The following SMC5 variants were observed in gnomAD, a reference collection of about 807,000 sequenced individuals.
SMC5 encodes structural maintenance of chromosomes protein 5.
SMC5 carries 88 observed loss-of-function variants against 148.3 expected under a neutral mutation model. The observed-to-expected ratio is 0.59, with a 90% CI of 0.50 to 0.71. The LOEUF is 0.71. Ranked by LOEUF, SMC5 falls within the 30% of genes least tolerant of loss-of-function variation. The pLI is 0.00. For missense variants in SMC5, 1,142 were observed against 1,298.9 expected (o/e 0.88, Z 1.86); for synonymous variants, 421 against 432.8 (o/e 0.97, Z 0.34).
rs903020823 is a variant in SMC5 at position 70,313,808 on chromosome 9, T to C, written c.1579-934T>C. Among the ~76,000 whole-genome samples the C allele has an allele frequency of 5.9e-5, 9 of 152,256 alleles. No individual in the cohort carries two copies. In the South Asian group the frequency reaches 1.9e-3, roughly 32 times the overall value. Reference sequence around the variant, plus strand: ...AGCCACAGTGCCCAGCCAGTAATTTTTTTATTATATTCTGGAATCGTGGGT... The same window carrying C: ...AGCCACAGTGCCCAGCCAGTAATTTCTTTATTATATTCTGGAATCGTGGGT... On this transcript the variant is annotated intron_variant, in intron 11 of 24. Transcript: ENST00000361138.
chr9:70,290,415 C>T (rs1167215152), intron 8 of SMC5, among the ~76,000 whole-genome samples: 1 of 152,078 alleles, frequency 6.6e-6, no homozygotes, highest in Non-Finnish European at 1.5e-5. Context: ...TCCTGTCACT[C>T]AGAAAATTCC....
At chr9:70,279,766 G>A (rs2034698157) in intron 5 of SMC5, among the ~76,000 whole-genome samples, 3 of 144,016 alleles carry the variant, frequency 2.1e-5, no homozygotes, top group Middle Eastern at 4.0e-3. Flanking sequence ...GTAGTGAGCC[G>A]AGAACACGCC....
chr9:70,317,404 C>T (rs1163855014), intron 13 of SMC5, among the ~76,000 whole-genome samples: 1 of 152,164 alleles, frequency 6.6e-6, no homozygotes, highest in African/African-American at 2.4e-5. Flanking sequence ...ATGGGAAGTG[C>T]TCTTCCTTCA....
chr9:70,348,614 C>T (rs2036727876), intron 22 of SMC5, among the ~76,000 whole-genome samples: 1 of 151,658 alleles, frequency 6.6e-6, no homozygotes, highest in Admixed American at 6.6e-5. Flanking sequence ...TGACTTGAGC[C>T]TGGAAGGTGG....
At chr9:70,314,240 C>T (rs563351611) in intron 11 of SMC5, among the ~76,000 whole-genome samples, 6 of 152,318 alleles carry the variant, frequency 3.9e-5, no homozygotes, top group Admixed American at 2.6e-4. Context: ...TCTTTCCCCA[C>T]TCCTGATGCT....
chr9:70,344,835 A>C (rs982470042), intron 18 of SMC5, among the ~76,000 whole-genome samples: 4 of 152,142 alleles, frequency 2.6e-5, no homozygotes, highest in Non-Finnish European at 5.9e-5. Flanking sequence ...TATTCAGAAT[A>C]ATGTCAAAAT....
chr9:70,303,659 A>G (rs957390317), intron 10 of SMC5, among the ~76,000 whole-genome samples: 2 of 152,210 alleles, frequency 1.3e-5, no homozygotes, highest in African/African-American at 4.8e-5. Context: ...ATTTAGTTCT[A>G]TGAGGTATAA....
At chr9:70,341,869 C>T (rs1031507445) in intron 17 of SMC5, among the ~76,000 whole-genome samples, 5 of 151,594 alleles carry the variant, frequency 3.3e-5, no homozygotes, top group Non-Finnish European at 7.4e-5. Flanking sequence ...TACCATTTGA[C>T]CCAGCCATCC....
At chr9:70,280,712 T>A in intron 5 of SMC5, 47 bp from the exon 6 acceptor site, 1 of 1,546,550 alleles carries the variant, frequency 6.5e-7, no homozygotes, top group Non-Finnish European at 8.7e-7. Flanking sequence ...TGTGACCTGT[T>A]GTCATTTTTT....
intron 3 of SMC5, among the ~76,000 whole-genome samples, chr9:70,268,398 A>G (rs553689156): frequency 2.6e-5 from 4 of 152,204 alleles, no homozygotes; most frequent in African/African-American, 9.6e-5. Flanking sequence ...GTGAGCCGAG[A>G]TGGCGCCACT....
intron 11 of SMC5, among the ~76,000 whole-genome samples, chr9:70,306,313 T>A (rs934391260): frequency 6.6e-6 from 1 of 152,204 alleles, no homozygotes; most frequent in Non-Finnish European, 1.5e-5. Flanking sequence ...AGTGGTCCTC[T>A]GTTTCTCTGG....
At chr9:70,341,396 A>T (rs1191252733) in intron 17 of SMC5, among the ~76,000 whole-genome samples, 1 of 152,164 alleles carries the variant, frequency 6.6e-6, no homozygotes, top group Non-Finnish European at 1.5e-5. Flanking sequence ...AGAAATTAGG[A>T]GTATTTAGTT....
chr9:70,300,096 G>A lies in SMC5; in HGVS notation c.1360G>A (p.Asp454Asn). ...RFDNLMNQKE[D>N]KLRQRFRDTY... ...TGACAATCTTATGAATCAGAAGGAA[G>A]ATAAGCTAAGACAGAGATTCCGTGA... is the stretch of plus-strand genomic sequence containing the variant. Residue 454 changes from aspartate (D) to asparagine (N), a missense_variant, in exon 10 of 25, where the codon GAT becomes AAT. Physicochemically the swap from Asp to Asn is conservative, Grantham distance 23. Coordinates refer to ENST00000361138, the MANE Select transcript of SMC5 (RefSeq NM_015110.4). The A allele has an allele frequency of 6.3e-7, 1 of 1,599,920 alleles. No homozygotes were observed. Among genetic ancestry groups the A allele is most frequent in the Non-Finnish European group, 8.5e-7 (1 of 1,176,314 alleles).
In SMC5 at chr9:70,303,447, C is replaced by G. The variant is rs148239708; in HGVS notation, c.1465-1800C>G. ...AATAAAGTAATTTAGTACCTCCCCC[C>G]TCAAATTGCGAAACAATAGGCTGAT... On this transcript the variant is annotated intron_variant, in intron 10 of 24. Transcript: ENST00000361138. Among the ~76,000 whole-genome samples the G allele has an allele frequency of 4.0e-4, 61 of 152,214 alleles. 1 individual carries two copies. Among genetic ancestry groups the G allele is most frequent in the African/African-American group, 1.4e-3 (58 of 41,536 alleles).
chr9:70,298,053 G>C lies in SMC5; in HGVS notation c.1141G>C (p.Glu381Gln). The C allele has an allele frequency of 6.2e-7, 1 of 1,613,990 alleles. No individual in the cohort carries two copies. Among genetic ancestry groups the C allele is most frequent in the East Asian group, 2.2e-5 (1 of 44,862 alleles). Residue 381 changes from glutamate to glutamine, a missense_variant, in exon 9 of 25, where the codon GAG becomes CAG. By Grantham distance (29) the Glu-to-Gln change is conservative (BLOSUM62 2). Around this residue, in one of 5 missense-constraint regions of SMC5, gnomAD observed 743 missense variants for 835.7 expected, o/e 0.89. Coordinates refer to ENST00000361138, the MANE Select transcript of SMC5 (RefSeq NM_015110.4). The part of the protein sequence containing the change: ...RRIGNTRKMI[E>Q]DLQNELKTTE... ...AATAGGTAATACCCGCAAAATGATA[G>C]AGGATTTGCAAAATGAACTAAAGAC...
At chr9:70,269,456 T>A (rs1404383677) in intron 3 of SMC5, among the ~76,000 whole-genome samples, 2 of 152,036 alleles carry the variant, frequency 1.3e-5, no homozygotes, top group African/African-American at 4.8e-5. Flanking sequence ...GCTGCGCACC[T>A]GTAGTCCTAG....
At chr9:70,312,933 C>T (rs2035697530) in intron 11 of SMC5, among the ~76,000 whole-genome samples, 1 of 152,162 alleles carries the variant, frequency 6.6e-6, no homozygotes, top group Non-Finnish European at 1.5e-5. Context: ...ATGTTGGTAT[C>T]ATAAAAGGAC....
At chr9:70,332,520 T>A (rs1486562548) in intron 17 of SMC5, among the ~76,000 whole-genome samples, 2 of 63,410 alleles carry the variant, frequency 3.2e-5, no homozygotes, top group African/African-American at 1.0e-4. Flanking sequence ...TGAGACCCTG[T>A]CTCAAAAAAA....
rs576723018 is a variant in SMC5, at chr9:70,322,985, C to G, written c.2151-498C>G. Among the ~76,000 whole-genome samples, 6 of 152,268 alleles carry G rather than the reference C, an allele frequency of 3.9e-5. No homozygotes were observed. In the South Asian group the frequency reaches 1.2e-3, roughly 32 times the overall value. ...ATCTCCCTCCCCTCCCCAACATACT[C>G]GTCCTTGTACCATTCTGGCCACTCT... On this transcript the variant is annotated intron_variant, in intron 15 of 24. Coordinates refer to ENST00000361138, the MANE Select transcript of SMC5 (RefSeq NM_015110.4).
Sources: gnomAD v4.1 joint callset for allele counts (sites outside exome capture counted in the v4.1 genomes callset) on GRCh38, gnomAD v4.1.1 for gene constraint, gnomAD v4.1.1 regional missense constraint, MANE v1.5 for transcripts, NCBI Gene and HGNC (gene_info 2026-07-23, HGNC 2026-07-21) for gene names.